PDE1A: variants seen among roughly 807,000 people sequenced by gnomAD.
PDE1A encodes the protein phosphodiesterase 1A, also known as dual specificity calcium/calmodulin-dependent 3',5'-cyclic nucleotide phosphodiesterase 1A.
Under a neutral mutation model 61.7 loss-of-function variants are expected in PDE1A, and 35 were observed. The ratio of observed to expected loss-of-function variants is 0.57; its 90% CI spans 0.43 to 0.75. The LOEUF (loss-of-function observed/expected upper bound fraction) is 0.75, where lower values mean the gene tolerates loss of function less well. Ranked by LOEUF, PDE1A falls within the 30% of genes least tolerant of loss-of-function variation. The pLI, the probability that PDE1A is intolerant of heterozygous loss-of-function variation, is 0.00. For synonymous variants in PDE1A, 232 were observed against 213.2 expected, an observed-to-expected ratio of 1.09 and a Z score of -0.77; for missense variants, 597 against 630.6, an observed-to-expected ratio of 0.95 and a Z score of 0.57.
intron 1 of PDE1A, among the ~76,000 whole-genome samples, chr2:182,396,576 A>G (rs1331604665): frequency 6.6e-6 from 1 of 152,246 alleles, no homozygotes; most frequent in African/African-American, 2.4e-5. Context: ...TCATGCATAT[A>G]TACACTTGTA....
At chr2:182,573,161 T>C in the PDE1A span, among the ~76,000 whole-genome samples, 11 of 152,324 alleles carry the variant, frequency 7.2e-5, no homozygotes, top group African/African-American at 2.6e-4. Flanking sequence ...CCGTTTACAA[T>C]GTAGTTTATG....
the PDE1A span, among the ~76,000 whole-genome samples, chr2:182,532,945 C>CAA: frequency 4.2e-3 from 88 of 21,172 alleles, 34 homozygotes; most frequent in East Asian, 0.016. Flanking sequence ...GACTCCGTCT[C>CAA]AAAAAAAAAA....
the PDE1A span, among the ~76,000 whole-genome samples, chr2:182,636,685 A>G: frequency 6.6e-6 from 1 of 152,236 alleles, no homozygotes; most frequent in Non-Finnish European, 1.5e-5. Context: ...AAAACAATAC[A>G]AATTGATTAT....
intron 1 of PDE1A, among the ~76,000 whole-genome samples, chr2:182,319,770 TA>T (rs1445593904): frequency 6.6e-6 from 1 of 152,174 alleles, no homozygotes; most frequent in Non-Finnish European, 1.5e-5. Flanking sequence ...TCAAGAAACA[TA>T]AAAATTGGCG....
chr2:182,346,781 G>A (rs550952233), intron 1 of PDE1A, among the ~76,000 whole-genome samples: 1 of 152,158 alleles, frequency 6.6e-6, no homozygotes, highest in African/African-American at 2.4e-5. Flanking sequence ...ACTTCAATAT[G>A]AGAAAATCAA....
At chr2:182,712,798 C>T in the PDE1A span, among the ~76,000 whole-genome samples, 5 of 152,066 alleles carry the variant, frequency 3.3e-5, no homozygotes, top group African/African-American at 4.8e-5. Context: ...CCTCGTGATC[C>T]GCCTGCCTCA....
chr2:182,426,233 T>C (rs1340870332), intron 1 of PDE1A, among the ~76,000 whole-genome samples: 1 of 152,226 alleles, frequency 6.6e-6, no homozygotes, highest in Non-Finnish European at 1.5e-5. Flanking sequence ...CTGTAATCAG[T>C]TGAAAGAACT....
At chr2:182,310,073 A>G (rs564988412) in intron 1 of PDE1A, among the ~76,000 whole-genome samples, 126 of 152,292 alleles carry the variant, frequency 8.3e-4, no homozygotes, top group African/African-American at 2.9e-3. Flanking sequence ...CAGAAAATAT[A>G]GATGAGGCAA....
intron 1 of PDE1A, among the ~76,000 whole-genome samples, chr2:182,284,364 G>T (rs1218064866): frequency 6.6e-6 from 1 of 152,012 alleles, no homozygotes; most frequent in Non-Finnish European, 1.5e-5. Context: ...TTTACTGACT[G>T]ATATATCACT....
intron 1 of PDE1A, among the ~76,000 whole-genome samples, chr2:182,387,721 C>T (rs1701195659): frequency 6.6e-6 from 1 of 151,180 alleles, no homozygotes; most frequent in Non-Finnish European, 1.5e-5. Flanking sequence ...CATACCATTG[C>T]ACTCCAGTCT....
chr2:182,225,431 T>G (rs1021087500), intron 6 of PDE1A, among the ~76,000 whole-genome samples: 16 of 151,924 alleles, frequency 1.1e-4, no homozygotes, highest in Non-Finnish European at 2.1e-4. Flanking sequence ...AGGTATAATC[T>G]TATTAATCTT....
At chr2:182,434,859 C>T (rs780505508) in intron 2 of PDE1A, among the ~76,000 whole-genome samples, 4 of 151,864 alleles carry the variant, frequency 2.6e-5, no homozygotes, top group Admixed American at 6.6e-5. Context: ...TAACAAAATA[C>T]ACAAGAATTA....
At chr2:182,264,902 T>C (rs1477251352) in intron 1 of PDE1A, among the ~76,000 whole-genome samples, 2 of 145,194 alleles carry the variant, frequency 1.4e-5, no homozygotes, top group African/African-American at 5.0e-5. Context: ...TGTATATATA[T>C]ACACCATGGA....
chr2:182,621,029 C>A, the PDE1A span, among the ~76,000 whole-genome samples: 1 of 152,170 alleles, frequency 6.6e-6, no homozygotes, highest in East Asian at 1.9e-4. Flanking sequence ...CATCTACTCC[C>A]TGGATATACT....
At chr2:182,560,786 G>C in the PDE1A span, among the ~76,000 whole-genome samples, 1 of 151,818 alleles carries the variant, frequency 6.6e-6, no homozygotes, top group Non-Finnish European at 1.5e-5. Context: ...TCTCATTGTG[G>C]TTTTGATTTG....
the PDE1A span, among the ~76,000 whole-genome samples, chr2:182,562,538 C>A: frequency 0.014 from 2,076 of 151,544 alleles, 48 homozygotes; most frequent in African/African-American, 0.047. Context: ...TGTCTCTGCC[C>A]GGCTTTGGTA....
At chr2:182,650,932 C>G in the PDE1A span, among the ~76,000 whole-genome samples, 380 of 152,198 alleles carry the variant, frequency 2.5e-3, 2 homozygotes, top group African/African-American at 8.5e-3. Context: ...TTTAAAAAGG[C>G]TTCTTGAAAA....
intron 1 of PDE1A, among the ~76,000 whole-genome samples, chr2:182,309,886 T>G (rs1695851328): frequency 6.6e-6 from 1 of 152,034 alleles, no homozygotes; most frequent in African/African-American, 2.4e-5. Context: ...ATAAAATAGT[T>G]AAAATAGGAA....
Position 182,177,591 on chromosome 2 carries a change from G to T in PDE1A, c.1516+8301C>A, listed in dbSNP as rs180963464. Among the ~76,000 whole-genome samples, 29 of 152,126 alleles carry T rather than the reference G, an allele frequency of 1.9e-4. 1 individual carries two copies. The East Asian group carries it at 5.0e-3, about 26-fold the overall frequency. On this transcript the variant is annotated intron_variant, in intron 13 of 13. Transcript: ENST00000351439. ...GTTGTAGATGTGTGGCATTATTTCT[G>T]GGGCCTCTGTTCTGTTCCATTGGTC... is the stretch of plus-strand genomic sequence containing the variant.
Sources: allele counts gnomAD v4.1 joint callset (sites outside exome capture counted in the v4.1 genomes callset), GRCh38; gene constraint gnomAD v4.1.1; transcripts MANE v1.5; gene names NCBI Gene and HGNC (gene_info 2026-07-23, HGNC 2026-07-21).